Variants in SPATA2 observed in about 807,000 individuals in gnomAD.
SPATA2 encodes spermatogenesis associated 2, also known as spermatogenesis-associated protein 2.
A neutral mutation model predicts 35.4 loss-of-function variants in SPATA2; 8 were observed. That is an observed-to-expected ratio of 0.23 (90% CI 0.13 to 0.41). SPATA2 has a LOEUF of 0.41. SPATA2 is among the 10% of genes least tolerant of loss of function. The pLI is 1.00. For missense variants in SPATA2, 650 were observed against 698.7 expected, an observed-to-expected ratio of 0.93 and a Z score of 0.79; for synonymous variants, 293 against 300.9, an observed-to-expected ratio of 0.97 and a Z score of 0.27.
intron 1 of SPATA2, among the ~76,000 whole-genome samples, chr20:49,914,726 C>T (rs1032334528): frequency 6.6e-6 from 1 of 152,194 alleles, no homozygotes; most frequent in South Asian, 2.1e-4. Flanking sequence ...AAGCTGTTTC[C>T]CTCCCTGCAG....
rs1029352545 is a variant in SPATA2 at position 49,915,401 on chromosome 20, G to T, written c.-124C>A. On this transcript the variant is annotated 5_prime_UTR_variant, in exon 1 of 3. Transcript: ENST00000289431. ...TCACCCTGACACTGCCGCCGAGGACGGCCCGGCCGAGGGAAGCAAGCGAGA... is the reference window on the plus strand; with the variant it reads ...TCACCCTGACACTGCCGCCGAGGACTGCCCGGCCGAGGGAAGCAAGCGAGA... 6.6e-6 allele frequency: 1 copy of T among 152,038 alleles called. No homozygotes were observed. Among genetic ancestry groups the T allele is most frequent in the Non-Finnish European group, 1.5e-5 (1 of 68,002 alleles). The allele number at this position is 152,038 out of a possible 1,614,324, so 9.4% of individuals were successfully genotyped here.
At chr20:49,915,194 G>A (rs2090202823) in intron 1 of SPATA2, among the ~76,000 whole-genome samples, 186 bp downstream of exon 1, 2 of 152,164 alleles carry the variant, frequency 1.3e-5, no homozygotes, top group African/African-American at 2.4e-5. Context: ...GCAGCTCCCG[G>A]GAGAATGGGG....
At chr20:49,909,827 A>G (rs1460129303) in intron 1 of SPATA2, among the ~76,000 whole-genome samples, 1 of 152,210 alleles carries the variant, frequency 6.6e-6, no homozygotes, top group African/African-American at 2.4e-5. Context: ...TATTTTATAC[A>G]AAGAGCCACG....
chr20:49,913,027 T>C (rs61225666), intron 1 of SPATA2, among the ~76,000 whole-genome samples: 2,812 of 151,902 alleles, frequency 0.019, 89 homozygotes, highest in African/African-American at 0.064. Flanking sequence ...GGGGATCCAC[T>C]GAGCCCAGGA....
intron 1 of SPATA2, among the ~76,000 whole-genome samples, chr20:49,910,178 G>A (rs73127679): frequency 0.061 from 9,306 of 152,274 alleles, 339 homozygotes; most frequent in Middle Eastern, 0.088. Context: ...GCAGGGTCAC[G>A]GACACGGGGT....
chr20:49,903,941 A>G lies in SPATA2; in HGVS notation c.*1678T>C, dbSNP rs1169162533. The G allele has an allele frequency of 4.0e-5, 3 of 74,978 alleles. No homozygotes were observed. Among genetic ancestry groups the G allele is most frequent in the African/African-American group, 1.3e-4 (3 of 22,960 alleles). 4.6% of individuals were successfully genotyped at this position (74,978 alleles called of 1,614,324 possible). A position where few individuals can be genotyped will look rare whatever the true frequency, so the allele number is the denominator to read the frequency against. On this transcript the variant is annotated 3_prime_UTR_variant, in exon 3 of 3. Coordinates refer to ENST00000289431, the MANE Select transcript of SPATA2 (RefSeq NM_006038.4). ...TATATATATATATATATATATATAT[A>G]TATATATATATTAAAAAGAGAGCCA...
intron 1 of SPATA2, among the ~76,000 whole-genome samples, chr20:49,912,764 A>C (rs908468527): frequency 3.3e-5 from 5 of 152,202 alleles, no homozygotes; most frequent in Admixed American, 3.3e-4. Flanking sequence ...AATAAAGGAA[A>C]GGGATCCAAA....
rs1441835266 is a variant in SPATA2, at chr20:49,903,878, C to T, written c.*1741G>A. 1.5e-5 allele frequency: 2 copies of T among 133,538 alleles called. No individual in the cohort carries two copies. The highest frequency in any genetic ancestry group is 2.9e-5 in the African/African-American group (1 of 34,042). The allele number at this position is 133,538 out of a possible 1,614,324, so 8.3% of individuals were successfully genotyped here. A position where few individuals can be genotyped will look rare whatever the true frequency, so the allele number is the denominator to read the frequency against. ...AATTCAGCTTAATATACACACTGTA[C>T]ATCTACATGTGATCTACCAGATAGA... On this transcript the variant is annotated 3_prime_UTR_variant, in exon 3 of 3. Transcript: ENST00000289431.
Position 49,906,309 on chromosome 20 carries a change from G to C in SPATA2, c.873C>G (p.Ile291Met), listed in dbSNP as rs747487663. The C allele has an allele frequency of 9.4e-6, 15 of 1,595,264 alleles. No homozygotes were observed. Among genetic ancestry groups the C allele is most frequent in the Non-Finnish European group, 1.2e-5 (14 of 1,169,270 alleles). Residue 291 changes from isoleucine to methionine, a missense_variant, in exon 3 of 3, where the codon ATC becomes ATG. Transcript: ENST00000289431. The surrounding 1 kb of genome is among the most constrained non-coding windows in gnomAD (Gnocchi z 8.2). ...TDVGDDLKDE[I>M]IRPSPSLLTM... The stretch of plus-strand genomic sequence containing the variant: ...TCAGCAGCGAAGGGGATGGGCGGAT[G>C]ATCTCATCCTTGAGGTCGTCCCCCA...
intron 2 of SPATA2, among the ~76,000 whole-genome samples, chr20:49,907,163 C>T (rs149698362): frequency 6.9e-4 from 105 of 152,280 alleles, no homozygotes; most frequent in Non-Finnish European, 1.3e-3. Flanking sequence ...TGGGTTCAAG[C>T]GATTCTCCTG....
At chr20:49,909,383 T>C (rs1211053445) in intron 1 of SPATA2, among the ~76,000 whole-genome samples, 2 of 151,902 alleles carry the variant, frequency 1.3e-5, no homozygotes, top group Non-Finnish European at 2.9e-5. Context: ...CAGTGGACCA[T>C]GTGCAAACTG....
In SPATA2 at chr20:49,915,126, G is replaced by C. The variant is rs79469107; in HGVS notation, c.-103+254C>G. On this transcript the variant is annotated intron_variant, in intron 1 of 2. Transcript: ENST00000289431. Reference sequence around the variant, plus strand: ...CTTCTGTTTGGCCAGTCGCCGAAGAGGGGTGTTCCTCTTGGGCGGCCCTGA... The same window carrying C: ...CTTCTGTTTGGCCAGTCGCCGAAGACGGGTGTTCCTCTTGGGCGGCCCTGA... Among the ~76,000 whole-genome samples the C allele has an allele frequency of 4.1e-3, 627 of 152,338 alleles. 5 individuals carry two copies. Among genetic ancestry groups the C allele is most frequent in the African/African-American group, 0.015 (608 of 41,582 alleles).
At chr20:49,914,033 A>G (rs1420660068) in intron 1 of SPATA2, among the ~76,000 whole-genome samples, 6 of 2,606 alleles carry the variant, frequency 2.3e-3, no homozygotes, top group African/African-American at 2.5e-3. Context: ...TCTGGTGGAA[A>G]AAAAAAAAAA....
At position 49,905,864 on chromosome 20, in the gene SPATA2, G is replaced by A; in HGVS notation, c.1318C>T (p.Leu440Phe). The A allele has an allele frequency of 6.2e-7, 1 of 1,613,712 alleles. No individual in the cohort carries two copies. Among genetic ancestry groups the A allele is most frequent in the Non-Finnish European group, 8.5e-7 (1 of 1,180,034 alleles). Reference sequence around the variant, plus strand: ...GAGTGAAGGTGCGGGAGGCGGTCGAGGCCCTGAGTCTGGCCTGGGTACTTC... The same window carrying A: ...GAGTGAAGGTGCGGGAGGCGGTCGAAGCCCTGAGTCTGGCCTGGGTACTTC... ...REKYPGQTQG[L>F]DRLPHLHSKS... The change falls in exon 3 of 3, where the codon CTC becomes TTC. Residue 440 changes from leucine to phenylalanine, a missense_variant. By Grantham distance (22) the Leu-to-Phe change is conservative. Coordinates refer to ENST00000289431, the MANE Select transcript of SPATA2 (RefSeq NM_006038.4).
chr20:49,914,059 C>CA (rs960412644), intron 1 of SPATA2, among the ~76,000 whole-genome samples: 15 of 146,508 alleles, frequency 1.0e-4, no homozygotes, highest in Admixed American at 7.5e-4. Context: ...ACCCAAAAAA[C>CA]AAAAAAACAG....
At position 49,905,913 on chromosome 20, in the gene SPATA2, C is replaced by A. The variant is rs964336628; in HGVS notation, c.1269G>T (p.Leu423=). The A allele has an allele frequency of 1.2e-6, 2 of 1,612,104 alleles. No homozygotes were observed. Among genetic ancestry groups the A allele is most frequent in the Non-Finnish European group, 1.7e-6 (2 of 1,180,010 alleles). Residue 423 remains leucine, a synonymous_variant, in exon 3 of 3, where the codon CTG becomes CTT. Transcript: ENST00000289431. The part of the protein sequence containing the change: ...FPSKASTHDS[L]AHGASLREKY... ...TCTCCCGCAGAGATGCCCCGTGGGCCAGGCTGTCATGAGTCGAGGCCTTGC... is the reference window on the plus strand; with the variant it reads ...TCTCCCGCAGAGATGCCCCGTGGGCAAGGCTGTCATGAGTCGAGGCCTTGC...
At position 49,905,609 on chromosome 20, in the gene SPATA2, C is replaced by T. The variant is rs763948942; in HGVS notation, c.*10G>A. The T allele has an allele frequency of 2.5e-5, 41 of 1,612,628 alleles. No individual in the cohort carries two copies. The highest frequency in any genetic ancestry group is 1.7e-4 in the Middle Eastern group (1 of 6,050). ...ATGTAGCCCTTGGAGCTGGAAGGGG[C>T]GAGGCCGGTCTATCTGTACACGAGA... On this transcript the variant is annotated 3_prime_UTR_variant, in exon 3 of 3. Transcript: ENST00000289431.
At chr20:49,915,277 G>A (rs117436392) in intron 1 of SPATA2, 103 bp downstream of exon 1, 5,622 of 152,408 alleles carry the variant, frequency 0.037, 146 homozygotes, top group East Asian at 0.092. Flanking sequence ...CTGCCGTGAG[G>A]GTACCCCGCT....
Position 49,904,745 on chromosome 20 carries a change from G to C in SPATA2, c.*874C>G, listed in dbSNP as rs993756820. 6.6e-6 allele frequency: 1 copy of C among 152,588 alleles called. No homozygotes were observed. Among genetic ancestry groups the C allele is most frequent in the Non-Finnish European group, 1.5e-5 (1 of 68,038 alleles). 9.5% of individuals were successfully genotyped at this position (152,588 alleles called of 1,614,324 possible). A position where few individuals can be genotyped will look rare whatever the true frequency, so the allele number is the denominator to read the frequency against. ...GAGGATACAACACGAATGGGCGCGA[G>C]GCCCTCCCTTGGAAGACTAAAGAAC... is the stretch of plus-strand genomic sequence containing the variant. On this transcript the variant is annotated 3_prime_UTR_variant, in exon 3 of 3. Transcript: ENST00000289431.
Sources: allele counts gnomAD v4.1 joint callset (sites outside exome capture counted in the v4.1 genomes callset), GRCh38; gene constraint gnomAD v4.1.1; non-coding constraint Gnocchi (gnomAD v3.1); transcripts MANE v1.5; gene names NCBI Gene and HGNC (gene_info 2026-07-23, HGNC 2026-07-21).